Variants in IL1RAP observed in about 807,000 individuals in gnomAD.
IL1RAP encodes the protein interleukin-1 receptor accessory protein.
Under a neutral mutation model 60.7 loss-of-function variants are expected in IL1RAP, and 35 were observed. The observed-to-expected ratio is 0.58, with a 90% CI of 0.44 to 0.76. The LOEUF (loss-of-function observed/expected upper bound fraction) is 0.76. Among genes scored for constraint, IL1RAP ranks in the 30% least tolerant of loss-of-function variants. IL1RAP has a pLI of 0.00. For missense variants in IL1RAP, 572 were observed against 693.9 expected, an observed-to-expected ratio of 0.82 and a Z score of 1.97; for synonymous variants, 268 against 250.9, an observed-to-expected ratio of 1.07 and a Z score of -0.64.
chr3:190,532,078 T>C (rs1184209657), intron 1 of IL1RAP, among the ~76,000 whole-genome samples: 7 of 152,124 alleles, frequency 4.6e-5, no homozygotes, highest in Admixed American at 4.6e-4. Context: ...TAGTGCACTT[T>C]CTGGTATCAT....
At chr3:190,590,970 T>C (rs1281880699) in intron 3 of IL1RAP, among the ~76,000 whole-genome samples, 2 of 152,228 alleles carry the variant, frequency 1.3e-5, no homozygotes, top group Middle Eastern at 6.3e-3. Flanking sequence ...TCAAGTTATC[T>C]TTCTGGGTAT....
chr3:190,626,957 A>G (rs1196558908), intron 7 of IL1RAP, among the ~76,000 whole-genome samples: 1 of 152,186 alleles, frequency 6.6e-6, no homozygotes, highest in Non-Finnish European at 1.5e-5. Context: ...GGTGTGAGCC[A>G]CTATGCCTAG....
chr3:190,526,287 A>C (rs574023363), intron 1 of IL1RAP, among the ~76,000 whole-genome samples: 263 of 152,358 alleles, frequency 1.7e-3, no homozygotes, highest in Non-Finnish European at 2.5e-3. Context: ...ACCCGGAATC[A>C]CAGAGTTGAT....
chr3:190,546,613 G>A lies in IL1RAP; in HGVS notation c.-88-9517G>A, dbSNP rs76677236. Among the ~76,000 whole-genome samples the A allele has an allele frequency of 9.8e-5, 15 of 152,338 alleles. No homozygotes were observed. In the East Asian group the frequency reaches 1.9e-3, roughly 20 times the overall value. On this transcript the variant is annotated intron_variant, in intron 1 of 11. Transcript: ENST00000447382. Reference sequence around the variant, plus strand: ...ATAATCCCCTCAGCAATCCTAGGAAGTAGAAATTATTATTCTCCCCATTTT... The same window carrying A: ...ATAATCCCCTCAGCAATCCTAGGAAATAGAAATTATTATTCTCCCCATTTT...
chr3:190,627,503 T>A (rs1418459956), intron 8 of IL1RAP, 54 bp downstream of exon 8: 6 of 1,564,714 alleles, frequency 3.8e-6, no homozygotes, highest in Non-Finnish European at 5.2e-6. Context: ...AACTTAATGA[T>A]CTCTGATGTG....
At chr3:190,574,208 T>C (rs111440937) in intron 3 of IL1RAP, among the ~76,000 whole-genome samples, 8 of 152,152 alleles carry the variant, frequency 5.3e-5, no homozygotes, top group African/African-American at 1.9e-4. Flanking sequence ...ATCTAGTATG[T>C]GATTTTTCGT....
Position 190,648,369 on chromosome 3 carries a change from G to A in IL1RAP, c.1377G>A (p.Gln459=). 6.2e-7 allele frequency: 1 copy of A among 1,600,222 alleles called. No homozygotes were observed. Among genetic ancestry groups the A allele is most frequent in the Non-Finnish European group, 8.5e-7 (1 of 1,176,412 alleles). The change falls in exon 12 of 12, where the codon CAG becomes CAA. Residue 459 remains glutamine (Q), a synonymous_variant. Coordinates refer to ENST00000447382, the MANE Select transcript of IL1RAP (RefSeq NM_002182.4). ...IVTDETLSFI[Q]KSRRLLVVLS... ...CAGATGAGACTTTGAGCTTCATTCA[G>A]AAAAGCAGACGCCTCCTGGTTGTTC...
At chr3:190,596,233 A>T (rs1222231018) in intron 3 of IL1RAP, among the ~76,000 whole-genome samples, 1 of 152,230 alleles carries the variant, frequency 6.6e-6, no homozygotes, top group Non-Finnish European at 1.5e-5. Context: ...TGCGCATAGC[A>T]GGTTCTCAAT....
chr3:190,526,666 T>C (rs1429285823), intron 1 of IL1RAP, among the ~76,000 whole-genome samples: 1 of 152,216 alleles, frequency 6.6e-6, no homozygotes, highest in Non-Finnish European at 1.5e-5. Flanking sequence ...ACATGAAGTG[T>C]GCATGTAAAG....
At chr3:190,594,616 G>C (rs1023835802) in intron 3 of IL1RAP, among the ~76,000 whole-genome samples, 5 of 152,174 alleles carry the variant, frequency 3.3e-5, no homozygotes, top group African/African-American at 1.2e-4. Flanking sequence ...CCAGGTGAGA[G>C]GCAAGCTGGG....
chr3:190,567,082 A>G (rs1187274560), intron 3 of IL1RAP, among the ~76,000 whole-genome samples: 1 of 152,194 alleles, frequency 6.6e-6, no homozygotes, highest in Non-Finnish European at 1.5e-5. Context: ...TCAAATATAA[A>G]AAAGAAACCA....
chr3:190,596,034 AGTTTAAGAGAAGCATTT>A (rs1184149975), intron 3 of IL1RAP, among the ~76,000 whole-genome samples: 2 of 152,214 alleles, frequency 1.3e-5, no homozygotes, highest in Admixed American at 6.5e-5. Flanking sequence ...TGCAGAGACT[AGTTTAAGAGAAGCATTT>A]TGTCCAAGGC....
At chr3:190,634,572 T>C (rs2108832014) in intron 9 of IL1RAP, among the ~76,000 whole-genome samples, 1 of 152,286 alleles carries the variant, frequency 6.6e-6, no homozygotes, top group South Asian at 2.1e-4. Context: ...CTGTGACTAA[T>C]GTGAGGGTTA....
intron 2 of IL1RAP, among the ~76,000 whole-genome samples, chr3:190,559,612 C>A (rs998007345): frequency 1.3e-5 from 2 of 152,086 alleles, no homozygotes; most frequent in Non-Finnish European, 1.5e-5. Flanking sequence ...TCTAATTTCC[C>A]TTACAACTTT....
chr3:190,576,293 A>G (rs1727440114), intron 3 of IL1RAP, among the ~76,000 whole-genome samples: 1 of 152,158 alleles, frequency 6.6e-6, no homozygotes, highest in Non-Finnish European at 1.5e-5. Flanking sequence ...ATAGCACAGA[A>G]TATTGTAAGT....
chr3:190,576,531 A>T (rs1307185510), intron 3 of IL1RAP, among the ~76,000 whole-genome samples: 1 of 152,192 alleles, frequency 6.6e-6, no homozygotes, highest in Non-Finnish European at 1.5e-5. Context: ...AACTAAACCA[A>T]CATGCGATGC....
At chr3:190,534,912 T>A (rs371655725) in intron 1 of IL1RAP, among the ~76,000 whole-genome samples, 6 of 112,922 alleles carry the variant, frequency 5.3e-5, no homozygotes, top group South Asian at 2.4e-4. Flanking sequence ...TGTAAGAGAA[T>A]TAAAAAAAAA....
chr3:190,656,839 C>T (rs1164138974), exon 12 of IL1RAP: 2 of 423,850 alleles, frequency 4.7e-6, no homozygotes, highest in Non-Finnish European at 8.3e-6. Flanking sequence ...CCTAGAAGGT[C>T]AGTATGTGAA....
At chr3:190,633,962 C>G (rs1291862550) in intron 9 of IL1RAP, among the ~76,000 whole-genome samples, 4 of 152,190 alleles carry the variant, frequency 2.6e-5, no homozygotes, top group Non-Finnish European at 4.4e-5. Context: ...ATTTAGAGGG[C>G]AAGCCTTCAG....
Sources: allele counts gnomAD v4.1 joint callset (sites outside exome capture counted in the v4.1 genomes callset), GRCh38; gene constraint gnomAD v4.1.1; transcripts MANE v1.5; gene names NCBI Gene and HGNC (gene_info 2026-07-23, HGNC 2026-07-21).